Variants in PTPRT observed in about 807,000 individuals in gnomAD.
PTPRT encodes protein tyrosine phosphatase receptor type T, also known as receptor-type tyrosine-protein phosphatase T.
PTPRT carries 56 observed loss-of-function variants against 176.8 expected under a neutral mutation model. That is an observed-to-expected ratio of 0.32 (90% CI 0.26 to 0.40). PTPRT has a LOEUF of 0.40. PTPRT is among the 10% of genes least tolerant of loss of function. The pLI is 1.00. For missense variants in PTPRT, 1,540 were observed against 1,908.2 expected (o/e 0.81, Z 3.60); for synonymous variants, 783 against 739.0 (o/e 1.06, Z -0.96).
intron 7 of PTPRT, among the ~76,000 whole-genome samples, chr20:42,579,542 C>T (rs953666630): frequency 2.6e-5 from 4 of 152,144 alleles, no homozygotes; most frequent in African/African-American, 9.7e-5. Context: ...AAAAGTGTTC[C>T]TATTTCTCCA....
chr20:42,149,875 C>A (rs1989046417), intron 17 of PTPRT, among the ~76,000 whole-genome samples: 1 of 152,136 alleles, frequency 6.6e-6, no homozygotes, highest in Non-Finnish European at 1.5e-5. Context: ...CAGACTAACT[C>A]TCCCTGCGAG....
intron 17 of PTPRT, among the ~76,000 whole-genome samples, chr20:42,143,626 G>A (rs8183826): frequency 0.061 from 9,335 of 151,844 alleles, 371 homozygotes; most frequent in East Asian, 0.19. Context: ...CTCTTAGACC[G>A]TGGTGGTGGA....
At chr20:43,135,926 G>A (rs2013818254) in intron 1 of PTPRT, among the ~76,000 whole-genome samples, 2 of 152,226 alleles carry the variant, frequency 1.3e-5, no homozygotes, top group African/African-American at 4.8e-5. Context: ...TCTAAACAGA[G>A]AATGGTGTTT....
At chr20:42,314,137 C>T (rs1363603379) in intron 12 of PTPRT, among the ~76,000 whole-genome samples, 1 of 152,200 alleles carries the variant, frequency 6.6e-6, no homozygotes, top group East Asian at 1.9e-4. Context: ...ACATGACAGA[C>T]TCCCTTACAT....
At chr20:43,150,738 T>C (rs1600751103) in intron 1 of PTPRT, among the ~76,000 whole-genome samples, 1 of 151,916 alleles carries the variant, frequency 6.6e-6, no homozygotes, top group African/African-American at 2.4e-5. Context: ...ATTACAGGCA[T>C]GAGCCACTGT....
chr20:42,093,879 G>A (rs535389769), intron 27 of PTPRT, among the ~76,000 whole-genome samples: 32 of 152,336 alleles, frequency 2.1e-4, no homozygotes, highest in African/African-American at 7.2e-4. Context: ...CAGCTGCTGC[G>A]GTGATGATAT....
chr20:42,845,203 C>T (rs2078348220), intron 2 of PTPRT, among the ~76,000 whole-genome samples: 1 of 152,150 alleles, frequency 6.6e-6, no homozygotes, highest in Admixed American at 6.5e-5. Context: ...TCGATGTCCA[C>T]TGTTGTTTCT....
chr20:43,097,770 G>A (rs1432669591), intron 1 of PTPRT, among the ~76,000 whole-genome samples: 1 of 152,134 alleles, frequency 6.6e-6, no homozygotes, highest in Non-Finnish European at 1.5e-5. Flanking sequence ...GAGGGCAAAG[G>A]ACACCTCCAG....
intron 15 of PTPRT, among the ~76,000 whole-genome samples, chr20:42,199,600 G>A (rs550974458): frequency 6.6e-6 from 1 of 152,288 alleles, no homozygotes; most frequent in South Asian, 2.1e-4. Context: ...GACAATGCAT[G>A]TGTTCTATGT....
At chr20:42,308,573 A>T (rs1384427278) in intron 12 of PTPRT, among the ~76,000 whole-genome samples, 1 of 152,188 alleles carries the variant, frequency 6.6e-6, no homozygotes, top group East Asian at 1.9e-4. Flanking sequence ...AAGAACAAAT[A>T]GTCCAACTGT....
At chr20:43,073,749 G>C (rs2011214872) in intron 1 of PTPRT, among the ~76,000 whole-genome samples, 1 of 151,804 alleles carries the variant, frequency 6.6e-6, no homozygotes, top group East Asian at 1.9e-4. Context: ...TGGTGGGAAG[G>C]GAGAGATACA....
At chr20:42,765,114 AACATACACTGTCCCT>A (rs1182787423) in intron 5 of PTPRT, among the ~76,000 whole-genome samples, 45 of 151,818 alleles carry the variant, frequency 3.0e-4, no homozygotes, top group African/African-American at 9.9e-4. Flanking sequence ...TTTGTCTGAA[AACATACACTGTCCCT>A]ACAGAGATCT....
At chr20:42,750,844 G>T (rs1216946112) in intron 6 of PTPRT, among the ~76,000 whole-genome samples, 2 of 152,180 alleles carry the variant, frequency 1.3e-5, no homozygotes, top group African/African-American at 2.4e-5. Context: ...AAATGAATAA[G>T]CATTTGCTGA....
intron 2 of PTPRT, among the ~76,000 whole-genome samples, chr20:42,872,558 A>G (rs998545495): frequency 8.5e-5 from 13 of 152,178 alleles, no homozygotes; most frequent in Non-Finnish European, 1.9e-4. Flanking sequence ...CAGACAGACG[A>G]ATGGAGGGGT....
intron 9 of PTPRT, among the ~76,000 whole-genome samples, chr20:42,365,037 TG>T (rs1354832646): frequency 1.3e-5 from 2 of 152,154 alleles, no homozygotes; most frequent in South Asian, 2.1e-4. Flanking sequence ...AGGAGCCACA[TG>T]GGGAAAAAAG....
intron 27 of PTPRT, among the ~76,000 whole-genome samples, chr20:42,086,739 A>ATATATATATATATATATATATAT (rs1555858277): frequency 3.1e-5 from 2 of 65,396 alleles, no homozygotes; most frequent in Non-Finnish European, 6.0e-5. Flanking sequence ...AAAAAAAAAA[A>ATATATATATATATATATATATAT]AAAAAAAAAA....
chr20:42,683,267 G>GC (rs1555898545), intron 6 of PTPRT, among the ~76,000 whole-genome samples: 1 of 68,532 alleles, frequency 1.5e-5, no homozygotes. Flanking sequence ...CCTTTTACTT[G>GC]TTTTTTTTGT....
At chr20:42,978,316 G>C (rs879560075) in intron 1 of PTPRT, among the ~76,000 whole-genome samples, 1 of 152,096 alleles carries the variant, frequency 6.6e-6, no homozygotes, top group Admixed American at 6.5e-5. Context: ...TTATTGTTCT[G>C]TACCCACCTA....
chr20:43,043,291 CTGAT>C (rs986817475), intron 1 of PTPRT, among the ~76,000 whole-genome samples: 6 of 151,612 alleles, frequency 4.0e-5, no homozygotes, highest in Non-Finnish European at 7.4e-5. Context: ...GTTAATTGTA[CTGAT>C]TAATTTCAGT....
Sources: gnomAD v4.1 joint callset for allele counts (sites outside exome capture counted in the v4.1 genomes callset) on GRCh38, gnomAD v4.1.1 for gene constraint, MANE v1.5 for transcripts, NCBI Gene and HGNC (gene_info 2026-07-23, HGNC 2026-07-21) for gene names.